Variants in ZPBP observed in about 807,000 individuals in gnomAD.
The protein encoded by ZPBP is zona pellucida binding protein.
A neutral mutation model predicts 44.8 loss-of-function variants in ZPBP; 26 were observed. The ratio of observed to expected loss-of-function variants is 0.58; its 90% CI spans 0.43 to 0.81. ZPBP has a LOEUF of 0.81. Ranked by LOEUF, ZPBP falls within the 30% of genes least tolerant of loss-of-function variation. The pLI is 0.00. For missense variants in ZPBP, 409 were observed against 434.0 expected (o/e 0.94, Z 0.51); for synonymous variants, 174 against 153.2 (o/e 1.14, Z -1.00).
intron 3 of ZPBP, among the ~76,000 whole-genome samples, chr7:50,068,699 T>C (rs1230237043): frequency 1.3e-5 from 2 of 152,192 alleles, no homozygotes; most frequent in Non-Finnish European, 2.9e-5. Flanking sequence ...GGTAGCCACT[T>C]TAATAAGCTG....
the ZPBP span, among the ~76,000 whole-genome samples, chr7:49,841,892 G>A: frequency 3.3e-5 from 5 of 151,766 alleles, no homozygotes; most frequent in Non-Finnish European, 7.4e-5. Flanking sequence ...TTAAGATGGA[G>A]TTTTGCTCTT....
At chr7:50,069,956 T>C (rs1211308555) in intron 3 of ZPBP, among the ~76,000 whole-genome samples, 1 of 152,108 alleles carries the variant, frequency 6.6e-6, no homozygotes, top group Non-Finnish European at 1.5e-5. Flanking sequence ...ACTCCCTGCA[T>C]TGGCCTCTCC....
chr7:49,864,271 GGGA>G (rs141189323), intron 2 of ZPBP, among the ~76,000 whole-genome samples: 4,784 of 152,256 alleles, frequency 0.031, 230 homozygotes, highest in African/African-American at 0.11. Flanking sequence ...CAAAGAAGGA[GGGA>G]GGAGAAGATA....
intron 4 of ZPBP, among the ~76,000 whole-genome samples, chr7:50,038,524 T>A (rs1799921920): frequency 6.6e-6 from 1 of 152,190 alleles, no homozygotes; most frequent in Admixed American, 6.5e-5. Flanking sequence ...AATAGATCAA[T>A]CATCTGAGTG....
At chr7:50,040,492 C>T (rs1014762955) in intron 4 of ZPBP, among the ~76,000 whole-genome samples, 3 of 152,186 alleles carry the variant, frequency 2.0e-5, no homozygotes, top group Admixed American at 6.5e-5. Context: ...ACTGGTTAGG[C>T]AGTGAATGCA....
chr7:50,085,658 C>T (rs1802598060), intron 2 of ZPBP, among the ~76,000 whole-genome samples: 1 of 152,092 alleles, frequency 6.6e-6, no homozygotes, highest in Non-Finnish European at 1.5e-5. Flanking sequence ...TGGACTTTGC[C>T]TACTGCACAA....
intron 1 of ZPBP, chr7:49,913,353 C>T (rs1793556408): frequency 6.6e-6 from 1 of 152,174 alleles, no homozygotes; most frequent in African/African-American, 2.4e-5. Flanking sequence ...CTGCAAAGTC[C>T]TGCTAATCTA....
At chr7:49,985,115 T>C (rs889287704) in intron 6 of ZPBP, among the ~76,000 whole-genome samples, 12 of 152,220 alleles carry the variant, frequency 7.9e-5, no homozygotes, top group African/African-American at 2.9e-4. Flanking sequence ...TGTCCAGCGT[T>C]GGTTCCCACC....
intron 1 of ZPBP, among the ~76,000 whole-genome samples, chr7:49,903,996 C>T (rs541328488): frequency 1.4e-4 from 21 of 152,244 alleles, no homozygotes; most frequent in Non-Finnish European, 1.5e-5. Flanking sequence ...TGGGGGAAGG[C>T]TGGTCACCCC....
intron 2 of ZPBP, among the ~76,000 whole-genome samples, chr7:49,875,608 C>T (rs1191150761): frequency 6.6e-6 from 1 of 151,820 alleles, no homozygotes. Context: ...TAGGTGGAAA[C>T]CCACCGCCTT....
At chr7:49,979,607 A>G (rs1583961944) in intron 7 of ZPBP, among the ~76,000 whole-genome samples, 1 of 151,568 alleles carries the variant, frequency 6.6e-6, no homozygotes, top group African/African-American at 2.4e-5. Flanking sequence ...ATTATGTGTA[A>G]TTCTGACATT....
chr7:50,028,292 AAAC>A (rs1403085946), intron 5 of ZPBP, among the ~76,000 whole-genome samples: 1 of 152,056 alleles, frequency 6.6e-6, no homozygotes, highest in Non-Finnish European at 1.5e-5. Context: ...ATTAAAAAAA[AAAC>A]ACATGATAAT....
chr7:49,892,006 G>C (rs1792150700), intron 2 of ZPBP, among the ~76,000 whole-genome samples: 1 of 145,080 alleles, frequency 6.9e-6, no homozygotes, highest in Non-Finnish European at 1.5e-5. Context: ...CCAAAAGAAT[G>C]CAGTTGGCAG....
intron 5 of ZPBP, among the ~76,000 whole-genome samples, chr7:50,020,418 T>C (rs752887113): frequency 3.3e-5 from 5 of 152,056 alleles, no homozygotes; most frequent in Non-Finnish European, 7.4e-5. Flanking sequence ...CACAAAAGAT[T>C]GCTAAAGTAA....
At chr7:49,842,130 A>T in the ZPBP span, among the ~76,000 whole-genome samples, 1 of 152,036 alleles carries the variant, frequency 6.6e-6, no homozygotes, top group Admixed American at 6.5e-5. Flanking sequence ...AACCTCCCAA[A>T]ATGCTGGGAT....
chr7:49,969,407 T>A (rs1475760634), intron 7 of ZPBP, among the ~76,000 whole-genome samples: 1 of 149,774 alleles, frequency 6.7e-6, no homozygotes, highest in East Asian at 2.0e-4. Context: ...ACACAAAATA[T>A]ACAATCTTAA....
intron 3 of ZPBP, among the ~76,000 whole-genome samples, chr7:50,077,197 T>C (rs757096449): frequency 3.9e-5 from 6 of 152,044 alleles, no homozygotes; most frequent in Non-Finnish European, 7.4e-5. Context: ...GATATCCATA[T>C]GCAGAAGAAT....
At chr7:49,869,937 A>G (rs1791070527) in intron 2 of ZPBP, among the ~76,000 whole-genome samples, 1 of 152,236 alleles carries the variant, frequency 6.6e-6, no homozygotes, top group African/African-American at 2.4e-5. Context: ...CTTGATATAT[A>G]GAAGATGTGG....
chr7:49,848,332 T>C (rs908129755), downstream of ZPBP, among the ~76,000 whole-genome samples: 1 of 152,148 alleles, frequency 6.6e-6, no homozygotes, highest in Non-Finnish European at 1.5e-5. Context: ...CTCTCTCCTG[T>C]GGGGTAGCTC....
Sources: gnomAD v4.1 joint callset for allele counts (sites outside exome capture counted in the v4.1 genomes callset) on GRCh38, gnomAD v4.1.1 for gene constraint, MANE v1.5 for transcripts, NCBI Gene and HGNC (gene_info 2026-07-23, HGNC 2026-07-21) for gene names.